The following MED12L variants were observed in gnomAD, a reference collection of about 807,000 sequenced individuals.
MED12L encodes the protein mediator complex subunit 12L, also known as mediator of RNA polymerase II transcription subunit 12-like protein.
Under a neutral mutation model 281.3 loss-of-function variants are expected in MED12L, and 60 were observed. That is an observed-to-expected ratio of 0.21 (90% CI 0.17 to 0.26). The LOEUF (loss-of-function observed/expected upper bound fraction) is 0.26. Among genes scored for constraint, MED12L ranks in the 10% least tolerant of loss-of-function variants. The pLI is 1.00. For synonymous variants in MED12L, 974 were observed against 987.2 expected (o/e 0.99, Z 0.25); for missense variants, 2,146 against 2,680.9 (o/e 0.80, Z 4.41).
intron 41 of MED12L, among the ~76,000 whole-genome samples, chr3:151,411,967 C>T (rs2108360134): frequency 6.6e-6 from 1 of 152,290 alleles, no homozygotes; most frequent in African/African-American, 2.4e-5. Flanking sequence ...TCTACCTTTT[C>T]CACCTCAAAG....
intron 3 of MED12L, among the ~76,000 whole-genome samples, chr3:151,118,250 A>G (rs1713179486): frequency 6.6e-6 from 1 of 152,162 alleles, no homozygotes; most frequent in African/African-American, 2.4e-5. Flanking sequence ...ATGCAGGTGA[A>G]TTTCTATTTC....
At position 151,109,061 on chromosome 3, in the gene MED12L, A is replaced by ATT. The variant is rs11370443; in HGVS notation, c.100-7264_100-7263dup. Among the ~76,000 whole-genome samples the ATT allele has an allele frequency of 1.1e-3, 162 of 146,762 alleles. 2 individuals carry two copies. The East Asian group carries it at 0.023, about 21-fold the overall frequency. On this transcript the variant is annotated intron_variant, in intron 2 of 44. Transcript: ENST00000687756. ...GTTACCCGAAGTATCGAAGGTCTGA[A>ATT]TTTTTTTTTTTTTTGAGATGGAGTC...
rs367791535 is a variant in MED12L at position 151,288,262 on chromosome 3, A to G, written c.2251-61797A>G. ...AGTGAAGAATTGTCCCATGCTGCTT[A>G]TAGGAGTGACCCATTAACTTTCCCA... On this transcript the variant is annotated intron_variant, in intron 16 of 44. Transcript: ENST00000687756. Among the ~76,000 whole-genome samples the G allele has an allele frequency of 3.8e-3, 575 of 152,342 alleles. 3 individuals carry two copies. Among genetic ancestry groups the G allele is most frequent in the African/African-American group, 0.013 (557 of 41,572 alleles).
At chr3:151,159,588 T>A (rs573252317) in intron 7 of MED12L, among the ~76,000 whole-genome samples, 4 of 152,324 alleles carry the variant, frequency 2.6e-5, no homozygotes, top group Admixed American at 6.5e-5. Context: ...ATGATAACAT[T>A]TGAATATATT....
chr3:151,376,858 A>G lies in MED12L; in HGVS notation c.4112A>G (p.Gln1371Arg). Residue 1371 changes from glutamine (Q) to arginine (R), a missense_variant, in exon 29 of 45, where the codon CAG becomes CGG. Physicochemically the swap from Gln to Arg is conservative, Grantham distance 43. Transcript: ENST00000687756. Reference protein sequence around the residue: ...SWLELQLMIKQCLKDPGSGSV... With the variant: ...SWLELQLMIKRCLKDPGSGSV... ...TTAGAACTCCAGCTAATGATCAAAC[A>G]GTGCTTGAAGGACCCTGTGAGTTTA... is the stretch of plus-strand genomic sequence containing the variant. The G allele has an allele frequency of 6.2e-7, 1 of 1,614,080 alleles. No individual in the cohort carries two copies.
intron 14 of MED12L, among the ~76,000 whole-genome samples, chr3:151,191,800 G>C (rs1227398910): frequency 2.0e-5 from 3 of 152,104 alleles, no homozygotes; most frequent in Admixed American, 6.5e-5. Flanking sequence ...CAGCTACTCA[G>C]GAGGCTGAGG....
chr3:151,195,843 C>G (rs1724573211), intron 16 of MED12L, among the ~76,000 whole-genome samples: 1 of 152,174 alleles, frequency 6.6e-6, no homozygotes, highest in African/African-American at 2.4e-5. Context: ...ACTCTCTGTA[C>G]TATTTTGCAA....
In MED12L at chr3:151,422,448, G is replaced by A. The variant is rs187981155; in HGVS notation, c.6408+6026G>A. On this transcript the variant is annotated intron_variant, in intron 43 of 44. Coordinates refer to ENST00000687756, the MANE Select transcript of MED12L (RefSeq NM_001393769.1). ...TGGCTCGCTGGGACTCTTTGGCATC[G>A]CTCGGCCCGTGGAAGCAGCACCCTG... 2.5e-3 allele frequency among the ~76,000 whole-genome samples: 385 copies of A among 152,174 alleles called. 1 individual carries two copies. Among genetic ancestry groups the A allele is most frequent in the Non-Finnish European group, 4.4e-3 (300 of 67,998 alleles).
intron 5 of MED12L, among the ~76,000 whole-genome samples, chr3:151,141,179 T>TTTTTTTTTTTTTTTTTTTTTG (rs1203630968): frequency 8.8e-6 from 1 of 113,968 alleles, no homozygotes; most frequent in African/African-American, 4.7e-5. Flanking sequence ...TTTTTTTTTG[T>TTTTTTTTTTTTTTTTTTTTTG]TTTTTTTGTT....
At chr3:151,289,882 T>C (rs1191089956) in intron 16 of MED12L, among the ~76,000 whole-genome samples, 1 of 83,790 alleles carries the variant, frequency 1.2e-5, no homozygotes, top group Non-Finnish European at 2.7e-5. Flanking sequence ...TCGAACACAA[T>C]TTTTTTTTTT....
intron 37 of MED12L, 82 bp downstream of exon 37, chr3:151,388,254 A>G: frequency 2.0e-6 from 3 of 1,485,804 alleles, no homozygotes; most frequent in Non-Finnish European, 2.7e-6. Flanking sequence ...ATCCCTCGAA[A>G]CATTACCAAG....
At position 151,435,347 on chromosome 3, in the gene MED12L, G is replaced by C. The variant is rs1392663794; in HGVS notation, c.*2543G>C. 1 of 151,754 alleles carries C rather than the reference G, an allele frequency of 6.6e-6. No individual in the cohort carries two copies. Among genetic ancestry groups the C allele is most frequent in the Non-Finnish European group, 1.5e-5 (1 of 68,004 alleles). 9.4% of individuals were successfully genotyped at this position (151,754 alleles called of 1,614,324 possible). On this transcript the variant is annotated 3_prime_UTR_variant, in exon 45 of 45. Coordinates refer to ENST00000687756, the MANE Select transcript of MED12L (RefSeq NM_001393769.1). The stretch of plus-strand genomic sequence containing the variant: ...AATAGGGTTGCATTTGTCAGTCATT[G>C]CATTTACCCTTCTTGGCCTGGAAGT...
intron 20 of MED12L, 86 bp from the exon 21 acceptor site, chr3:151,360,388 A>G: frequency 8.2e-7 from 1 of 1,218,796 alleles, no homozygotes; most frequent in Non-Finnish European, 1.2e-6. Context: ...TACCCAAGTG[A>G]TACATATTTT....
In MED12L at chr3:151,283,673, C is replaced by G. The variant is rs78488619; in HGVS notation, c.2251-66386C>G. On this transcript the variant is annotated intron_variant, in intron 16 of 44. Transcript: ENST00000687756. ...GTGATGTTCACTACCATAGTACATA[C>G]TCAGAAGTATTTGTTAATTGAATAT... Among the ~76,000 whole-genome samples the G allele has an allele frequency of 2.6e-3, 396 of 152,300 alleles. 2 individuals are homozygous for G. The highest frequency in any genetic ancestry group is 9.1e-3 in the African/African-American group (377 of 41,568).
intron 16 of MED12L, chr3:151,241,868 G>C (rs1392426177): frequency 6.5e-6 from 1 of 153,100 alleles, no homozygotes; most frequent in Non-Finnish European, 1.5e-5. Context: ...TTCCATCTGA[G>C]GTACCGGGTT....
intron 16 of MED12L, among the ~76,000 whole-genome samples, chr3:151,220,554 G>C (rs146245807): frequency 1.2e-3 from 176 of 152,282 alleles, no homozygotes; most frequent in South Asian, 1.5e-3. Context: ...AGTGGGAGAT[G>C]ATTGAATTAT....
At chr3:151,413,090 G>C (rs758634556) in intron 41 of MED12L, 49 bp from the exon 42 acceptor site, 1 of 1,579,314 alleles carries the variant, frequency 6.3e-7, no homozygotes, top group Non-Finnish European at 8.6e-7. Context: ...CTGATTAAAA[G>C]TTTGACATTA....
intron 16 of MED12L, among the ~76,000 whole-genome samples, chr3:151,247,361 G>T (rs575510628): frequency 6.6e-6 from 1 of 152,016 alleles, no homozygotes; most frequent in Non-Finnish European, 1.5e-5. Flanking sequence ...TTGGAACCAA[G>T]CCAAATGTCC....
intron 16 of MED12L, among the ~76,000 whole-genome samples, chr3:151,222,780 CA>C (rs1435559826): frequency 2.6e-5 from 4 of 152,224 alleles, no homozygotes; most frequent in Admixed American, 2.6e-4. Context: ...TTTTTTCCCC[CA>C]GATCCTGTGC....
Sources: allele counts gnomAD v4.1 joint callset (sites outside exome capture counted in the v4.1 genomes callset), GRCh38; gene constraint gnomAD v4.1.1; transcripts MANE v1.5; gene names NCBI Gene and HGNC (gene_info 2026-07-23, HGNC 2026-07-21).